ST14: variants seen among roughly 807,000 people sequenced by gnomAD.
The protein encoded by ST14 is suppressor of tumorigenicity 14 protein.
A neutral mutation model predicts 96.5 loss-of-function variants in ST14; 40 were observed. That is an observed-to-expected ratio of 0.41 (90% confidence interval 0.32 to 0.54). The LOEUF (loss-of-function observed/expected upper bound fraction) is 0.54. Among genes scored for constraint, ST14 ranks in the 20% least tolerant of loss-of-function variants. The pLI is 0.17. For missense variants in ST14, 1,066 were observed against 1,188.9 expected, an observed-to-expected ratio of 0.90 and a Z score of 1.52; for synonymous variants, 506 against 492.1, an observed-to-expected ratio of 1.03 and a Z score of -0.37.
intron 1 of ST14, among the ~76,000 whole-genome samples, chr11:130,166,361 C>G (rs1012163087): frequency 2.0e-5 from 3 of 152,108 alleles, no homozygotes; most frequent in Non-Finnish European, 4.4e-5. Context: ...GGGTGTGGAG[C>G]CCTGGGTGTT....
rs778294574 is a variant in ST14, at chr11:130,178,854, AG to A, written c.82-9259del. On this transcript the variant is annotated intron_variant, in intron 1 of 18. Transcript: ENST00000278742. The stretch of plus-strand genomic sequence containing the variant: ...GGGCCGGGGTTTTGGGGTGTCTGCC[AG>A]CAGCTGGCTGGGTCTGCAGCTGGCC... Among the ~76,000 whole-genome samples the A allele has an allele frequency of 1.1e-4, 16 of 152,220 alleles. No homozygotes were observed. In the East Asian group the frequency reaches 1.3e-3, roughly 13 times the overall value.
chr11:130,170,082 G>T (rs1953076844), intron 1 of ST14, among the ~76,000 whole-genome samples: 1 of 152,144 alleles, frequency 6.6e-6, no homozygotes, highest in Non-Finnish European at 1.5e-5. Flanking sequence ...GGCAAAAGAG[G>T]TTATGTCCTG....
At chr11:130,162,968 G>A (rs772279577) in intron 1 of ST14, among the ~76,000 whole-genome samples, 3 of 152,184 alleles carry the variant, frequency 2.0e-5, no homozygotes, top group African/African-American at 4.8e-5. Flanking sequence ...GGTTTCTGTG[G>A]CTATAAAATG....
In ST14 at chr11:130,209,833, C is replaced by T. The variant is rs746206683; in HGVS notation, c.*10C>T. 6.2e-7 allele frequency: 1 copy of T among 1,612,760 alleles called. No homozygotes were observed. Among genetic ancestry groups the T allele is most frequent in the African/African-American group, 1.3e-5 (1 of 74,942 alleles). On this transcript the variant is annotated 3_prime_UTR_variant, in exon 19 of 19. Transcript: ENST00000278742. ...GAACACTGGGGTATAGGGGCCGGGG[C>T]CACCCAAATGTGTACACCTGCGGGG...
intron 1 of ST14, among the ~76,000 whole-genome samples, chr11:130,184,619 A>G (rs1953221272): frequency 6.6e-6 from 1 of 152,210 alleles, no homozygotes. Context: ...TCTAGAAGAC[A>G]GAGGTGAGAC....
chr11:130,199,327 G>A (rs1953403949), intron 15 of ST14, among the ~76,000 whole-genome samples: 1 of 152,250 alleles, frequency 6.6e-6, no homozygotes, highest in Non-Finnish European at 1.5e-5. Context: ...GGTCGTGGCT[G>A]CAGTGCGTTG....
chr11:130,191,104 G>A (rs1953293557), intron 7 of ST14, among the ~76,000 whole-genome samples: 1 of 152,168 alleles, frequency 6.6e-6, no homozygotes, highest in African/African-American at 2.4e-5. Flanking sequence ...TAATCTCAGC[G>A]CTTTGGGAGG....
At chr11:130,193,627 G>T (rs898661986) in intron 7 of ST14, among the ~76,000 whole-genome samples, 4 of 152,106 alleles carry the variant, frequency 2.6e-5, no homozygotes, top group African/African-American at 9.7e-5. Context: ...GCACCGTGAT[G>T]CCCAGCTAAT....
rs769539601 is a variant in ST14 at position 130,209,450 on chromosome 11, G to A, written c.2278G>A (p.Ala760Thr). ...WGHTQYGGTG[A>T]LILQKGEIRV... ...TCCTGCCCTCTCCCCAGGCACTGGC[G>A]CGCTGATCCTGCAAAAGGGTGAGAT... Residue 760 changes from alanine (A) to threonine (T), a missense_variant, in exon 18 of 19, where the codon GCG (alanine) becomes ACG (threonine). Coordinates refer to ENST00000278742, the MANE Select transcript of ST14 (RefSeq NM_021978.4). The A allele has an allele frequency of 1.5e-5, 24 of 1,582,972 alleles. No individual in the cohort carries two copies. In the South Asian group the frequency reaches 2.1e-4, roughly 14 times the overall value.
intron 11 of ST14, 62 bp downstream of exon 11, chr11:130,196,762 T>G: frequency 1.9e-6 from 3 of 1,610,498 alleles, no homozygotes; most frequent in Non-Finnish European, 2.5e-6. Context: ...CTGTCTACCC[T>G]GCATCTCGTT....
At position 130,209,789 on chromosome 11, in the gene ST14, T is replaced by G; in HGVS notation, c.2534T>G (p.Phe845Cys). ...GGCGTGTACACAAGGCTCCCTCTGTTTCGGGACTGGATCAAAGAGAACACT... is the reference window on the plus strand; with the variant it reads ...GGCGTGTACACAAGGCTCCCTCTGTGTCGGGACTGGATCAAAGAGAACACT... The part of the protein sequence containing the change: ...KPGVYTRLPL[F>C]RDWIKENTGV The change falls in exon 19 of 19, where the codon TTT becomes TGT. Residue 845 changes from phenylalanine (F) to cysteine (C), a missense_variant. Physicochemically the swap from Phe to Cys is radical, Grantham distance 205. Transcript: ENST00000278742. 1.2e-6 allele frequency: 2 copies of G among 1,614,078 alleles called. No homozygotes were observed. The highest frequency in any genetic ancestry group is 1.7e-6 in the Non-Finnish European group (2 of 1,180,022).
chr11:130,190,287 C>G, intron 6 of ST14, 139 bp downstream of exon 6: 1 of 1,474,148 alleles, frequency 6.8e-7, no homozygotes, highest in Non-Finnish European at 9.4e-7. Context: ...CCTTCCTCTT[C>G]CAGGCCCTTC....
intron 16 of ST14, among the ~76,000 whole-genome samples, chr11:130,207,042 T>C (rs1040325065): frequency 4.6e-5 from 7 of 152,228 alleles, no homozygotes; most frequent in African/African-American, 1.7e-4. Flanking sequence ...TTGTCCTAAC[T>C]TTAGCCAGCT....
At position 130,181,177 on chromosome 11, in the gene ST14, C is replaced by T. The variant is rs1165816053; in HGVS notation, c.82-6937C>T. 7.9e-5 allele frequency among the ~76,000 whole-genome samples: 12 copies of T among 151,466 alleles called. No individual in the cohort carries two copies. The highest frequency in any genetic ancestry group is 1.5e-4 in the Non-Finnish European group (10 of 67,856). ...GGGTGGGATGGTGGTGATCTGATCT[C>T]GTCCCTGCTGGGTGGGATGGTGGTC... is the stretch of plus-strand genomic sequence containing the variant. On this transcript the variant is annotated intron_variant, in intron 1 of 18. Transcript: ENST00000278742. This position sits in a 1 kb window ranked among gnomAD's most constrained non-coding sequence, Gnocchi z 4.1.
Position 130,197,897 on chromosome 11 carries a change from T to C in ST14, c.1411T>C (p.Cys471Arg). 6.3e-7 allele frequency: 1 copy of C among 1,598,078 alleles called. No homozygotes were observed. The highest frequency in any genetic ancestry group is 8.5e-7 in the Non-Finnish European group (1 of 1,175,118). Reference protein sequence around the residue: ...TGRCIRKELRCDGWADCTDHS... With the variant: ...TGRCIRKELRRDGWADCTDHS... ...GCGGTGTATCCGGAAGGAGCTGCGCTGTGATGGCTGGGCCGACTGCACCGA... is the reference window on the plus strand; with the variant it reads ...GCGGTGTATCCGGAAGGAGCTGCGCCGTGATGGCTGGGCCGACTGCACCGA... Residue 471 changes from cysteine (C) to arginine (R), a missense_variant, in exon 12 of 19, where the codon TGT becomes CGT. By Grantham distance (180) the Cys-to-Arg change is radical (BLOSUM62 -3). Coordinates refer to ENST00000278742, the MANE Select transcript of ST14 (RefSeq NM_021978.4).
rs565367487 is a variant in ST14 at position 130,198,204 on chromosome 11, G to A, written c.1460-104G>A. 1,802 of 1,164,156 alleles carry A rather than the reference G, an allele frequency of 1.5e-3. 3 individuals are homozygous for A. The highest frequency in any genetic ancestry group is 3.1e-3 in the Middle Eastern group (16 of 5,208). The allele number at this position is 1,164,156 out of a possible 1,614,324, so 72.1% of individuals were successfully genotyped here. On this transcript the variant is annotated intron_variant, in intron 12 of 18. Transcript: ENST00000278742. ...GGAGCAGGGCCCCTTGGGCCTCTCT[G>A]TAGATCAGAAAGCGGTCCCCAGGTA...
chr11:130,208,073 CAAT>C (rs1203667986), intron 16 of ST14, among the ~76,000 whole-genome samples: 4 of 151,690 alleles, frequency 2.6e-5, no homozygotes, highest in Non-Finnish European at 5.9e-5. Flanking sequence ...GACTCAGTCT[CAAT>C]AAATAAATAA....
intron 1 of ST14, among the ~76,000 whole-genome samples, chr11:130,172,406 GTCT>G (rs1209550963): frequency 4.4e-5 from 6 of 134,856 alleles, no homozygotes; most frequent in African/African-American, 1.7e-4. Flanking sequence ...GTGCCTGGCT[GTCT>G]TCTTTTTTTT....
At chr11:130,177,417 G>T (rs1345842467) in intron 1 of ST14, among the ~76,000 whole-genome samples, 3 of 152,136 alleles carry the variant, frequency 2.0e-5, no homozygotes, top group Non-Finnish European at 4.4e-5. Flanking sequence ...ACAAAAATTA[G>T]CCAGGTGCGG....
Sources: allele counts gnomAD v4.1 joint callset (sites outside exome capture counted in the v4.1 genomes callset), GRCh38; gene constraint gnomAD v4.1.1; non-coding constraint Gnocchi (gnomAD v3.1); transcripts MANE v1.5; gene names NCBI Gene and HGNC (gene_info 2026-07-23, HGNC 2026-07-21).